COL23A1: variants seen among roughly 807,000 people sequenced by gnomAD.
COL23A1 encodes collagen type XXIII alpha 1 chain.
A neutral mutation model predicts 99.3 loss-of-function variants in COL23A1; 97 were observed. The ratio of observed to expected loss-of-function variants is 0.98; its 90% confidence interval spans 0.83 to 1.16. The LOEUF is 1.16. Among genes scored for constraint, COL23A1 ranks in the 50% most tolerant of loss-of-function variants. The pLI is 0.00. For synonymous variants in COL23A1, 320 were observed against 308.2 expected, an observed-to-expected ratio of 1.04 and a Z score of -0.40; for missense variants, 762 against 757.4, an observed-to-expected ratio of 1.01 and a Z score of -0.07.
chr5:178,575,578 T>C (rs1016668711), intron 1 of COL23A1, among the ~76,000 whole-genome samples: 2 of 152,164 alleles, frequency 1.3e-5, no homozygotes, highest in African/African-American at 4.8e-5. Context: ...AGCAGTTCCA[T>C]GGCTCACCTA....
At chr5:178,578,905 CAT>C (rs747744148) in intron 1 of COL23A1, among the ~76,000 whole-genome samples, 7 of 151,958 alleles carry the variant, frequency 4.6e-5, no homozygotes, top group Non-Finnish European at 1.0e-4. Context: ...ATGACAAATC[CAT>C]ACAATTATTT....
chr5:178,293,206 G>A (rs975653604), intron 3 of COL23A1, among the ~76,000 whole-genome samples: 1 of 152,036 alleles, frequency 6.6e-6, no homozygotes. Flanking sequence ...TAGGATGAGA[G>A]TGGTCCAGCA....
chr5:178,319,194 A>G (rs576305485), intron 2 of COL23A1, among the ~76,000 whole-genome samples: 1 of 152,230 alleles, frequency 6.6e-6, no homozygotes, highest in South Asian at 2.1e-4. Context: ...AGCGCAAGTA[A>G]GCTTTGCCCC....
At chr5:178,466,032 A>G (rs1756401981) in intron 2 of COL23A1, among the ~76,000 whole-genome samples, 1 of 151,834 alleles carries the variant, frequency 6.6e-6, no homozygotes, top group Non-Finnish European at 1.5e-5. Context: ...CCTCTGCGCC[A>G]CCTCTTTCCT....
chr5:178,285,397 A>G (rs894340551), intron 5 of COL23A1, among the ~76,000 whole-genome samples: 1 of 150,848 alleles, frequency 6.6e-6, no homozygotes, highest in Non-Finnish European at 1.5e-5. Flanking sequence ...AAAACACAAA[A>G]AACAAACAAA....
chr5:178,249,712 A>ACTCTCTCT (rs1425842167), intron 18 of COL23A1, among the ~76,000 whole-genome samples: 1 of 90,564 alleles, frequency 1.1e-5, no homozygotes, highest in African/African-American at 3.6e-5. Flanking sequence ...ACACACACAC[A>ACTCTCTCT]CACACTCTCT....
rs577184558 is a variant in COL23A1 at position 178,589,366 on chromosome 5, G to C, written c.294+538C>G. ...CCCATCCCCGAGGCCTCAGTGCGAC[G>C]GTGACCGCTCAGTCTTGGGGCCTGA... On this transcript the variant is annotated intron_variant, in intron 1 of 28. Coordinates refer to ENST00000390654, the MANE Select transcript of COL23A1 (RefSeq NM_173465.4). The surrounding 1 kb of genome is among the most constrained non-coding windows in gnomAD (Gnocchi z 5.4). Among the ~76,000 whole-genome samples, 24 of 152,134 alleles carry C rather than the reference G, an allele frequency of 1.6e-4. No homozygotes were observed. In the South Asian group the frequency reaches 5.0e-3, roughly 32 times the overall value.
intron 1 of COL23A1, among the ~76,000 whole-genome samples, chr5:178,578,057 C>G (rs1406420356): frequency 2.0e-5 from 3 of 151,274 alleles, no homozygotes; most frequent in Admixed American, 6.6e-5. Flanking sequence ...ATGCACACAC[C>G]CACATGCACA....
At chr5:178,417,022 C>T (rs139014558) in intron 2 of COL23A1, among the ~76,000 whole-genome samples, 161 of 152,296 alleles carry the variant, frequency 1.1e-3, no homozygotes, top group African/African-American at 3.4e-3. Flanking sequence ...ACTTAGGGGC[C>T]TTGTGCAGTT....
At chr5:178,569,177 T>C (rs1309642950) in intron 1 of COL23A1, among the ~76,000 whole-genome samples, 1 of 152,238 alleles carries the variant, frequency 6.6e-6, no homozygotes, top group Non-Finnish European at 1.5e-5. Context: ...GTGTGTTTGT[T>C]GCTCATCTGT....
At position 178,580,901 on chromosome 5, in the gene COL23A1, C is replaced by T. The variant is rs561114878; in HGVS notation, c.294+9003G>A. ...GTGCTCACCTGTAGTCCCAGATACT[C>T]GGGAGGCTGAGGCGGAAGGATCACC... On this transcript the variant is annotated intron_variant, in intron 1 of 28. Transcript: ENST00000390654. Among the ~76,000 whole-genome samples, 10 of 152,246 alleles carry T rather than the reference C, an allele frequency of 6.6e-5. No homozygotes were observed. The South Asian group carries it at 1.0e-3, about 16-fold the overall frequency.
intron 2 of COL23A1, among the ~76,000 whole-genome samples, chr5:178,393,057 A>C (rs1368552484): frequency 1.3e-5 from 2 of 152,248 alleles, no homozygotes; most frequent in Admixed American, 6.5e-5. Context: ...GGTGCCTGGC[A>C]GAAAAGCAGC....
chr5:178,450,893 G>C (rs1003482723), intron 2 of COL23A1, among the ~76,000 whole-genome samples: 2 of 152,168 alleles, frequency 1.3e-5, no homozygotes, highest in African/African-American at 4.8e-5. Flanking sequence ...CCAGTTCAGG[G>C]CTCCTCCCCT....
At chr5:178,502,382 C>G (rs569378198) in intron 2 of COL23A1, among the ~76,000 whole-genome samples, 59 of 152,330 alleles carry the variant, frequency 3.9e-4, no homozygotes, top group Non-Finnish European at 4.6e-4. Context: ...CTGCCCGCCT[C>G]GGCCTCCCAA....
chr5:178,296,077 T>C (rs1054259763), intron 3 of COL23A1, among the ~76,000 whole-genome samples: 11 of 152,234 alleles, frequency 7.2e-5, no homozygotes, highest in African/African-American at 2.7e-4. Context: ...TCAACACACT[T>C]GAACTTGACA....
intron 2 of COL23A1, among the ~76,000 whole-genome samples, chr5:178,523,994 C>A (rs1486633919): frequency 6.6e-6 from 1 of 152,208 alleles, no homozygotes; most frequent in Non-Finnish European, 1.5e-5. Context: ...AAAATACAAA[C>A]CTCCACAGGA....
intron 2 of COL23A1, among the ~76,000 whole-genome samples, chr5:178,391,704 A>G (rs1043184981): frequency 2.0e-5 from 3 of 152,202 alleles, no homozygotes; most frequent in African/African-American, 7.2e-5. Flanking sequence ...ACAGACTGCC[A>G]TACGATCTAG....
intron 5 of COL23A1, among the ~76,000 whole-genome samples, chr5:178,272,667 G>A (rs995566307): frequency 2.6e-5 from 4 of 152,112 alleles, no homozygotes; most frequent in South Asian, 2.1e-4. Flanking sequence ...GCCAGTTCCC[G>A]GCTGTCCTGA....
chr5:178,518,964 G>T (rs1759785893), intron 2 of COL23A1, among the ~76,000 whole-genome samples: 1 of 148,792 alleles, frequency 6.7e-6, no homozygotes, highest in East Asian at 2.0e-4. Flanking sequence ...CAGCGGCTCC[G>T]CTTCATATCT....
Sources: gnomAD v4.1 joint callset for allele counts (sites outside exome capture counted in the v4.1 genomes callset) on GRCh38, gnomAD v4.1.1 for gene constraint, Gnocchi (gnomAD v3.1) non-coding constraint, MANE v1.5 for transcripts, NCBI Gene and HGNC (gene_info 2026-07-23, HGNC 2026-07-21) for gene names.